The following PARP1 variants were observed in gnomAD, a reference collection of about 807,000 sequenced individuals.
PARP1 encodes the protein poly(ADP-ribose) polymerase 1.
A neutral mutation model predicts 118.7 loss-of-function variants in PARP1; 44 were observed. The ratio of observed to expected loss-of-function variants is 0.37; its 90% CI spans 0.29 to 0.48. PARP1 has a LOEUF of 0.48. Among genes scored for constraint, PARP1 ranks in the 20% least tolerant of loss-of-function variants. The pLI, the probability that PARP1 is intolerant of heterozygous loss-of-function variation, is 0.99. For synonymous variants in PARP1, 492 were observed against 483.2 expected (o/e 1.02, Z -0.24); for missense variants, 1,100 against 1,272.4 (o/e 0.86, Z 2.06).
intron 14 of PARP1, among the ~76,000 whole-genome samples, chr1:226,372,218 A>G (rs1664397812): frequency 6.6e-6 from 1 of 152,172 alleles, no homozygotes; most frequent in Non-Finnish European, 1.5e-5. Flanking sequence ...ACTTCTCCAC[A>G]TGGTTACCCC....
chr1:226,371,334 G>A (rs1448194859), intron 14 of PARP1, among the ~76,000 whole-genome samples: 4 of 152,154 alleles, frequency 2.6e-5, no homozygotes, highest in African/African-American at 9.7e-5. Flanking sequence ...CCGTGACTGC[G>A]CCTTTCCATT....
intron 14 of PARP1, among the ~76,000 whole-genome samples, chr1:226,373,231 C>T (rs1442214106): frequency 2.0e-5 from 3 of 152,168 alleles, no homozygotes; most frequent in Non-Finnish European, 2.9e-5. Context: ...AGAACGTGAG[C>T]GTGAAGGGAG....
intron 13 of PARP1, among the ~76,000 whole-genome samples, chr1:226,374,647 TCCCTG>T (rs1404755457): frequency 5.3e-5 from 8 of 152,194 alleles, no homozygotes; most frequent in Non-Finnish European, 1.2e-4. Context: ...GGGTTGCTGG[TCCCTG>T]CCTGGGAACC....
chr1:226,397,867 A>G (rs1664954870), intron 2 of PARP1, among the ~76,000 whole-genome samples: 1 of 152,134 alleles, frequency 6.6e-6, no homozygotes, highest in Non-Finnish European at 1.5e-5. Flanking sequence ...ACACAAGCAC[A>G]GTCCACTGAT....
chr1:226,381,428 C>T (rs1324250690), intron 8 of PARP1, among the ~76,000 whole-genome samples: 1 of 152,226 alleles, frequency 6.6e-6, no homozygotes, highest in Non-Finnish European at 1.5e-5. Context: ...CACAAAATGC[C>T]ACTCCATGGC....
At chr1:226,402,932 A>G (rs893602283) in intron 1 of PARP1, among the ~76,000 whole-genome samples, 1 of 152,236 alleles carries the variant, frequency 6.6e-6, no homozygotes, top group Non-Finnish European at 1.5e-5. Context: ...TGTGTCAGAA[A>G]AAAGTGTCAA....
At chr1:226,392,621 G>C in intron 2 of PARP1, 1 of 542,028 alleles carries the variant, frequency 1.8e-6, no homozygotes, top group Non-Finnish European at 3.3e-6. Context: ...ACTTTAGAAA[G>C]CACTTATTAG....
At chr1:226,369,673 G>A (rs1664338673) in intron 15 of PARP1, among the ~76,000 whole-genome samples, 1 of 152,154 alleles carries the variant, frequency 6.6e-6, no homozygotes, top group Non-Finnish European at 1.5e-5. Context: ...AGTATTCTCA[G>A]GCCAGGTGTG....
chr1:226,390,514 A>G lies in PARP1; in HGVS notation c.513T>C (p.Gly171=), dbSNP rs1664803193. ...GCFVKNREEL[G]FRPEYSASQL... ...GACTCGCACTGTACTCGGGCCGGAA[A>G]CCCAGCTCCTCCCTGTTCTTGACAA... Residue 171 remains glycine, a synonymous_variant, in exon 4 of 23, where the codon GGT becomes GGC. Transcript: ENST00000366794. 6.2e-7 allele frequency: 1 copy of G among 1,614,048 alleles called. No homozygotes were observed. The highest frequency in any genetic ancestry group is 1.3e-5 in the African/African-American group (1 of 74,904).
intron 5 of PARP1, 119 bp downstream of exon 5, chr1:226,388,537 C>T (rs1664756463): frequency 2.7e-6 from 2 of 746,008 alleles, no homozygotes; most frequent in South Asian, 2.9e-5. Context: ...TTAATAACTG[C>T]CATCAATTTG....
At chr1:226,381,959 G>A (rs1290581515) in intron 8 of PARP1, among the ~76,000 whole-genome samples, 1 of 152,160 alleles carries the variant, frequency 6.6e-6, no homozygotes, top group African/African-American at 2.4e-5. Context: ...TGCAAGTCAG[G>A]GGAAAGCAGA....
chr1:226,382,845 C>T (rs1353068658), intron 8 of PARP1, among the ~76,000 whole-genome samples, 191 bp downstream of exon 8: 2 of 152,212 alleles, frequency 1.3e-5, no homozygotes, highest in Non-Finnish European at 2.9e-5. Context: ...ACTCTCCCAC[C>T]TTGCTGTGGT....
At chr1:226,367,176 A>T in intron 17 of PARP1, 1 of 426,104 alleles carries the variant, frequency 2.3e-6, no homozygotes, top group Non-Finnish European at 4.4e-6. Context: ...GGAAACAAAC[A>T]AACAAACAAA....
chr1:226,377,185 T>A lies in PARP1; in HGVS notation c.1864A>T (p.Thr622Ser). The A allele has an allele frequency of 6.2e-7, 1 of 1,614,048 alleles. No individual in the cohort carries two copies. Among genetic ancestry groups the A allele is most frequent in the Non-Finnish European group, 8.5e-7 (1 of 1,180,002 alleles). The change falls in exon 13 of 23, where the codon ACC (threonine) becomes TCC (serine). Residue 622 changes from threonine (T) to serine (S), a missense_variant. By Grantham distance (58) the Thr-to-Ser change is moderately conservative. Transcript: ENST00000366794. ...TTTTTGGAGTGCCAAGCGTTCCCGG[T>A]TTTTTCTTCATATAATTTCATGAAG... The part of the protein sequence containing the change: ...EHFMKLYEEK[T>S]GNAWHSKNFT...
rs767298470 is a variant in PARP1, at chr1:226,364,988, G to A, written c.2658+14C>T. On this transcript the variant is annotated intron_variant, in intron 19 of 22. Coordinates refer to ENST00000366794, the MANE Select transcript of PARP1 (RefSeq NM_001618.4). ...GACAGGCATTGCCCACCCCTCGCCA[G>A]GCCAGGCACATACCACGGGCGCTTC... is the stretch of plus-strand genomic sequence containing the variant. 1.2e-6 allele frequency: 2 copies of A among 1,613,176 alleles called. No homozygotes were observed. Among genetic ancestry groups the A allele is most frequent in the African/African-American group, 2.7e-5 (2 of 74,914 alleles).
At chr1:226,377,584 C>T (rs1237343964) in intron 12 of PARP1, among the ~76,000 whole-genome samples, 1 of 152,174 alleles carries the variant, frequency 6.6e-6, no homozygotes, top group Non-Finnish European at 1.5e-5. Context: ...GTCTGGAGAC[C>T]TTTGCATAAA....
chr1:226,373,564 C>CA (rs1664434978), intron 14 of PARP1, among the ~76,000 whole-genome samples: 1 of 152,344 alleles, frequency 6.6e-6, no homozygotes, highest in Non-Finnish European at 1.5e-5. Flanking sequence ...AGACAGGAAA[C>CA]ACGGAGCCTC....
intron 5 of PARP1, among the ~76,000 whole-genome samples, chr1:226,388,004 G>C (rs1664748286): frequency 6.6e-6 from 1 of 152,142 alleles, no homozygotes; most frequent in Non-Finnish European, 1.5e-5. Context: ...ACAAGCAGAT[G>C]GTTCATAGAA....
rs74893311 is a variant in PARP1 at position 226,396,928 on chromosome 1, T to C, written c.287-4614A>G. The stretch of plus-strand genomic sequence containing the variant: ...GGTATATTTAAATTATAACTAGATA[T>C]AACATATCTATGCCCCTAAACCTAC... On this transcript the variant is annotated intron_variant, in intron 2 of 22. Coordinates refer to ENST00000366794, the MANE Select transcript of PARP1 (RefSeq NM_001618.4). 4.6e-3 allele frequency among the ~76,000 whole-genome samples: 694 copies of C among 152,146 alleles called. 27 individuals are homozygous for C. In the South Asian group the frequency reaches 0.084, roughly 18 times the overall value.
Sources: allele counts gnomAD v4.1 joint callset (sites outside exome capture counted in the v4.1 genomes callset), GRCh38; gene constraint gnomAD v4.1.1; transcripts MANE v1.5; gene names NCBI Gene and HGNC (gene_info 2026-07-23, HGNC 2026-07-21).